Variants in GRM3 observed in about 807,000 individuals in gnomAD.
GRM3 encodes the protein glutamate metabotropic receptor 3, also known as metabotropic glutamate receptor 3.
A neutral mutation model predicts 70.5 loss-of-function variants in GRM3; 26 were observed. The ratio of observed to expected loss-of-function variants is 0.37; its 90% CI spans 0.27 to 0.51. GRM3 has a LOEUF of 0.51. GRM3 is among the 20% of genes least tolerant of loss of function. The pLI, the probability that GRM3 is intolerant of heterozygous loss-of-function variation, is 0.93. For synonymous variants in GRM3, 443 were observed against 434.9 expected, an observed-to-expected ratio of 1.02 and a Z score of -0.23; for missense variants, 859 against 1,123.8, an observed-to-expected ratio of 0.76 and a Z score of 3.37.
intron 2 of GRM3, among the ~76,000 whole-genome samples, chr7:86,769,691 C>T (rs1009539102): frequency 2.0e-5 from 3 of 152,124 alleles, no homozygotes; most frequent in African/African-American, 7.2e-5. Flanking sequence ...TAATGACTTG[C>T]TGGGTTAAGC....
intron 1 of GRM3, among the ~76,000 whole-genome samples, chr7:86,663,838 T>G (rs1446946453): frequency 7.3e-6 from 1 of 136,292 alleles, no homozygotes; most frequent in Non-Finnish European, 1.6e-5. Flanking sequence ...AATTAAGAGA[T>G]AATGTTGTGA....
intron 1 of GRM3, among the ~76,000 whole-genome samples, chr7:86,745,872 A>G (rs1796089922): frequency 1.3e-5 from 2 of 152,082 alleles, no homozygotes; most frequent in South Asian, 4.1e-4. Flanking sequence ...GAGGACAAAG[A>G]CAGATGTAGT....
intron 1 of GRM3, among the ~76,000 whole-genome samples, chr7:86,674,526 C>A (rs1185192918): frequency 2.0e-5 from 3 of 152,134 alleles, no homozygotes; most frequent in Admixed American, 6.6e-5. Context: ...CATCAAAGAA[C>A]TTGCAAATAG....
intron 1 of GRM3, among the ~76,000 whole-genome samples, chr7:86,695,879 C>T (rs1174472117): frequency 6.6e-6 from 1 of 151,886 alleles, no homozygotes; most frequent in African/African-American, 2.4e-5. Context: ...AAATGTAACT[C>T]CTAAGAGACA....
At chr7:86,682,711 C>A (rs111277775) in intron 1 of GRM3, among the ~76,000 whole-genome samples, 5,071 of 152,144 alleles carry the variant, frequency 0.033, 279 homozygotes, top group African/African-American at 0.12. Context: ...ACTTTTCAAG[C>A]ATTTTTTTAA....
intron 1 of GRM3, among the ~76,000 whole-genome samples, chr7:86,677,058 C>T (rs1438053377): frequency 6.6e-6 from 1 of 151,910 alleles, no homozygotes; most frequent in African/African-American, 2.4e-5. Flanking sequence ...TAAATACAAA[C>T]CCACCAGTAG....
rs926939337 is a variant in GRM3 at position 86,839,551 on chromosome 7, G to A, written c.2037G>A (p.Arg679=). The A allele has an allele frequency of 8.1e-6, 13 of 1,608,850 alleles. No homozygotes were observed. The highest frequency in any genetic ancestry group is 1.1e-5 in the Non-Finnish European group (13 of 1,177,012). The part of the protein sequence containing the change: ...IFDGVKNGAQ[R]PKFISPSSQV... Reference sequence around the variant, plus strand: ...ATGGGGTCAAGAATGGCGCTCAGAGGCCAAAATTCATCAGCCCCAGTTCTC... The same window carrying A: ...ATGGGGTCAAGAATGGCGCTCAGAGACCAAAATTCATCAGCCCCAGTTCTC... Residue 679 remains arginine, a synonymous_variant, in exon 4 of 6, where the codon AGG becomes AGA. Transcript: ENST00000361669. This position sits in a 1 kb window ranked among gnomAD's most constrained non-coding sequence, Gnocchi z 4.5.
At chr7:86,778,601 T>C (rs1322575898) in intron 2 of GRM3, among the ~76,000 whole-genome samples, 1 of 152,176 alleles carries the variant, frequency 6.6e-6, no homozygotes, top group Non-Finnish European at 1.5e-5. Flanking sequence ...TTCTCTTTTT[T>C]CACAACAGGA....
chr7:86,655,904 G>A (rs1793730723), intron 1 of GRM3, among the ~76,000 whole-genome samples: 1 of 151,540 alleles, frequency 6.6e-6, no homozygotes, highest in African/African-American at 2.4e-5. Context: ...ATTGCTGAGG[G>A]TCTCTCACCT....
chr7:86,754,421 G>A (rs1796298387), intron 1 of GRM3, among the ~76,000 whole-genome samples: 2 of 152,150 alleles, frequency 1.3e-5, no homozygotes, highest in Admixed American at 1.3e-4. Context: ...ATTGTGGTAA[G>A]AGAATTGAGA....
At chr7:86,658,507 T>C (rs1256528820) in intron 1 of GRM3, among the ~76,000 whole-genome samples, 1 of 152,130 alleles carries the variant, frequency 6.6e-6, no homozygotes, top group Non-Finnish European at 1.5e-5. Context: ...GTAGGTTGGT[T>C]CTTCTTGCTA....
At chr7:86,775,295 C>G (rs1471537310) in intron 2 of GRM3, 2 of 151,910 alleles carry the variant, frequency 1.3e-5, no homozygotes, top group Non-Finnish European at 2.9e-5. Flanking sequence ...AAGAGGAGAA[C>G]AAATAAAAAC....
At chr7:86,709,672 C>G (rs1326187855) in intron 1 of GRM3, among the ~76,000 whole-genome samples, 2 of 152,056 alleles carry the variant, frequency 1.3e-5, no homozygotes, top group African/African-American at 4.8e-5. Context: ...CAGTTTTCTT[C>G]TTTCCTAAGG....
At chr7:86,684,665 A>G (rs1311677309) in intron 1 of GRM3, among the ~76,000 whole-genome samples, 1 of 152,224 alleles carries the variant, frequency 6.6e-6, no homozygotes, top group Non-Finnish European at 1.5e-5. Context: ...AAGTGAACTT[A>G]GCAAAATTTC....
At chr7:86,676,875 A>G (rs1390375509) in intron 1 of GRM3, among the ~76,000 whole-genome samples, 1 of 151,972 alleles carries the variant, frequency 6.6e-6, no homozygotes, top group Admixed American at 6.6e-5. Context: ...GCTATTATAG[A>G]GACTTCTTTT....
chr7:86,737,742 G>T (rs1795898154), intron 1 of GRM3, among the ~76,000 whole-genome samples: 1 of 152,088 alleles, frequency 6.6e-6, no homozygotes, highest in Non-Finnish European at 1.5e-5. Context: ...GATTAATAAG[G>T]ATTTATATAG....
chr7:86,650,857 A>G (rs746119802), intron 1 of GRM3, among the ~76,000 whole-genome samples: 21 of 152,248 alleles, frequency 1.4e-4, no homozygotes, highest in Non-Finnish European at 2.9e-4. Context: ...TCCCACCAGG[A>G]AAACAAGCTG....
chr7:86,683,887 C>G (rs1179991508), intron 1 of GRM3, among the ~76,000 whole-genome samples: 1 of 152,044 alleles, frequency 6.6e-6, no homozygotes. Flanking sequence ...TCATGGTGTA[C>G]AGTTTATATG....
intron 1 of GRM3, among the ~76,000 whole-genome samples, chr7:86,755,258 T>G (rs1312935917): frequency 6.6e-6 from 1 of 152,062 alleles, no homozygotes; most frequent in Non-Finnish European, 1.5e-5. Context: ...TTCAGCTCTG[T>G]TTTAGCTGAT....
Sources: gnomAD v4.1 joint callset for allele counts (sites outside exome capture counted in the v4.1 genomes callset) on GRCh38, gnomAD v4.1.1 for gene constraint, Gnocchi (gnomAD v3.1) non-coding constraint, MANE v1.5 for transcripts, NCBI Gene and HGNC (gene_info 2026-07-23, HGNC 2026-07-21) for gene names.